The following ZNF385D variants were observed in gnomAD, a reference collection of about 807,000 sequenced individuals.
ZNF385D encodes the protein zinc finger protein 659.
Under a neutral mutation model 35.8 loss-of-function variants are expected in ZNF385D, and 15 were observed. The observed-to-expected ratio is 0.42, with a 90% CI of 0.28 to 0.64. ZNF385D has a LOEUF of 0.64. ZNF385D is among the 30% of genes least tolerant of loss of function. The pLI is 0.23. For synonymous variants in ZNF385D, 212 were observed against 186.8 expected (o/e 1.13, Z -1.10); for missense variants, 474 against 494.6 (o/e 0.96, Z 0.39).
chr3:21,528,193 G>T (rs115944485), intron 3 of ZNF385D, among the ~76,000 whole-genome samples: 4,977 of 152,102 alleles, frequency 0.033, 247 homozygotes, highest in African/African-American at 0.11. Flanking sequence ...AGGGGAGAGA[G>T]AATGAAATAG....
intron 2 of ZNF385D, among the ~76,000 whole-genome samples, chr3:22,262,299 G>C (rs1314783219): frequency 6.6e-6 from 1 of 151,804 alleles, no homozygotes; most frequent in Admixed American, 6.6e-5. Flanking sequence ...GAACATTTAG[G>C]AAAATGTTCC....
upstream of ZNF385D, among the ~76,000 whole-genome samples, chr3:21,755,058 C>T (rs1378063474): frequency 1.3e-5 from 2 of 152,164 alleles, no homozygotes; most frequent in Non-Finnish European, 2.9e-5. Flanking sequence ...TACTGCAGGC[C>T]ACAGTTTGTG....
chr3:22,335,104 A>C (rs1695105484), intron 2 of ZNF385D, among the ~76,000 whole-genome samples: 1 of 152,172 alleles, frequency 6.6e-6, no homozygotes, highest in Admixed American at 6.5e-5. Context: ...TTTTATATTG[A>C]ATATAATGTA....
At chr3:21,874,963 C>G (rs981642191) in intron 3 of ZNF385D, among the ~76,000 whole-genome samples, 1 of 150,100 alleles carries the variant, frequency 6.7e-6, no homozygotes, top group African/African-American at 2.5e-5. Flanking sequence ...TAAGTTTATT[C>G]ATAAGTATTT....
At chr3:22,254,948 G>C (rs1307642621) in intron 2 of ZNF385D, among the ~76,000 whole-genome samples, 1 of 151,806 alleles carries the variant, frequency 6.6e-6, no homozygotes, top group East Asian at 1.9e-4. Flanking sequence ...TAGAAAAGCT[G>C]AACTAAGGGA....
At chr3:22,151,746 C>T (rs939368322) in intron 3 of ZNF385D, among the ~76,000 whole-genome samples, 39 of 152,066 alleles carry the variant, frequency 2.6e-4, no homozygotes, top group African/African-American at 8.5e-4. Context: ...CAGAAACATC[C>T]AGAATAATAT....
At chr3:21,671,879 A>T (rs2066587998) in intron 1 of ZNF385D, among the ~76,000 whole-genome samples, 1 of 152,178 alleles carries the variant, frequency 6.6e-6, no homozygotes, top group Non-Finnish European at 1.5e-5. Flanking sequence ...GCACTGCCTT[A>T]TATTTGAAGA....
intron 3 of ZNF385D, among the ~76,000 whole-genome samples, chr3:21,905,221 A>C (rs200991795): frequency 0.014 from 2,055 of 149,050 alleles, 47 homozygotes; most frequent in African/African-American, 0.042. Context: ...AAAAAAAAAA[A>C]AAAAAAACCC....
chr3:22,176,328 A>G (rs1694831541), intron 2 of ZNF385D, among the ~76,000 whole-genome samples: 1 of 152,198 alleles, frequency 6.6e-6, no homozygotes, highest in African/African-American at 2.4e-5. Context: ...ATGTTATCAT[A>G]AGTTCTTTAC....
intron 3 of ZNF385D, among the ~76,000 whole-genome samples, chr3:21,994,323 G>C (rs562388430): frequency 1.3e-5 from 2 of 152,178 alleles, no homozygotes; most frequent in Non-Finnish European, 2.9e-5. Context: ...GTTAATCCTG[G>C]AAAGTTTATC....
At chr3:21,525,571 C>CT (rs1185250803) in intron 3 of ZNF385D, among the ~76,000 whole-genome samples, 5 of 151,032 alleles carry the variant, frequency 3.3e-5, no homozygotes, top group African/African-American at 1.2e-4. Flanking sequence ...GTAATCCCAG[C>CT]TACTCAGGAG....
intron 1 of ZNF385D, among the ~76,000 whole-genome samples, chr3:21,682,785 T>C (rs1156360251): frequency 6.7e-6 from 1 of 149,822 alleles, no homozygotes; most frequent in Non-Finnish European, 1.5e-5. Context: ...CTTTGTGAGC[T>C]ATCAGTTCTA....
intron 3 of ZNF385D, among the ~76,000 whole-genome samples, chr3:21,803,221 G>C (rs2072489355): frequency 6.6e-6 from 1 of 152,076 alleles, no homozygotes; most frequent in Non-Finnish European, 1.5e-5. Context: ...GGCAGGTATA[G>C]GTGGCACCTT....
chr3:21,993,560 C>A (rs975487646), intron 3 of ZNF385D, among the ~76,000 whole-genome samples: 3 of 152,136 alleles, frequency 2.0e-5, no homozygotes, highest in Admixed American at 2.0e-4. Flanking sequence ...TTAAACTATG[C>A]ATTAATTCAT....
chr3:21,971,321 A>T (rs1703242170), intron 3 of ZNF385D, among the ~76,000 whole-genome samples: 1 of 152,094 alleles, frequency 6.6e-6, no homozygotes, highest in South Asian at 2.1e-4. Context: ...AAACAGGATG[A>T]TGATGTTAAA....
Position 21,878,258 on chromosome 3 carries a change from T to C in ZNF385D, c.326-213230A>G, listed in dbSNP as rs1017402086. 2.6e-5 allele frequency: 4 copies of C among 151,696 alleles called. 1 individual carries two copies. Among genetic ancestry groups the C allele is most frequent in the Non-Finnish European group, 2.9e-5 (2 of 67,904 alleles). The allele number at this position is 151,696 out of a possible 1,614,324, so 9.4% of individuals were successfully genotyped here. ...GTGATGTAGCTCATAAAAACGAGAG[T>C]TTGGATTTGAAAGCAAGCAGTCTGA... On this transcript the variant is annotated intron_variant, in intron 3 of 5. Coordinates refer to the ZNF385D transcript ENST00000494108.
intron 3 of ZNF385D, among the ~76,000 whole-genome samples, chr3:21,949,377 C>G (rs1473385046): frequency 6.6e-6 from 1 of 151,796 alleles, no homozygotes; most frequent in Admixed American, 6.6e-5. Context: ...TGTGCTGTGC[C>G]TTTTCCATCC....
chr3:21,853,994 A>G (rs1025044392), intron 3 of ZNF385D, among the ~76,000 whole-genome samples: 2 of 151,888 alleles, frequency 1.3e-5, no homozygotes, highest in Non-Finnish European at 2.9e-5. Context: ...AAAATATTCT[A>G]TACCTTTAGG....
intron 3 of ZNF385D, among the ~76,000 whole-genome samples, chr3:21,512,850 T>C (rs1368427026): frequency 1.3e-5 from 2 of 152,186 alleles, no homozygotes; most frequent in African/African-American, 4.8e-5. Context: ...GAGAACGATA[T>C]GCTATATTCA....
Sources: gnomAD v4.1 joint callset for allele counts (sites outside exome capture counted in the v4.1 genomes callset) on GRCh38, gnomAD v4.1.1 for gene constraint, MANE v1.5 for transcripts, NCBI Gene and HGNC (gene_info 2026-07-23, HGNC 2026-07-21) for gene names.